The following ERI1 variants were observed in gnomAD, a reference collection of about 807,000 sequenced individuals.
ERI1 encodes the protein 3'-5' exoribonuclease 1.
Under a neutral mutation model 39.7 loss-of-function variants are expected in ERI1, and 39 were observed. The observed-to-expected ratio is 0.98, with a 90% CI of 0.76 to 1.28. The LOEUF is 1.28. Ranked by LOEUF, ERI1 falls within the 50% of genes most tolerant of loss-of-function variation. The pLI is 0.00. For synonymous variants in ERI1, 204 were observed against 149.6 expected, an observed-to-expected ratio of 1.36 and a Z score of -2.65; for missense variants, 581 against 416.9, an observed-to-expected ratio of 1.39 and a Z score of -3.43.
chr8:9,086,298 C>G (rs1799524031), intron 3 of ERI1, among the ~76,000 whole-genome samples: 1 of 152,234 alleles, frequency 6.6e-6, no homozygotes, highest in South Asian at 2.1e-4. Context: ...ACCTGTGGTC[C>G]CAGCTACTCA....
chr8:9,035,868 C>T (rs888966495), downstream of ERI1, among the ~76,000 whole-genome samples: 9 of 152,194 alleles, frequency 5.9e-5, no homozygotes, highest in South Asian at 4.1e-4. Context: ...ATTTGTGATT[C>T]GTGAGAGGAG....
rs1240057670 is a variant in ERI1, at chr8:9,032,089, C to G, written c.*2055C>G. 6.6e-6 allele frequency: 1 copy of G among 152,164 alleles called. No individual in the cohort carries two copies. Among genetic ancestry groups the G allele is most frequent in the Non-Finnish European group, 1.5e-5 (1 of 68,036 alleles). 9.4% of individuals were successfully genotyped at this position (152,164 alleles called of 1,614,324 possible). A position where few individuals can be genotyped will look rare whatever the true frequency, so the allele number is the denominator to read the frequency against. On this transcript the variant is annotated 3_prime_UTR_variant, in exon 7 of 7. Coordinates refer to ENST00000250263, the MANE Select transcript of ERI1 (RefSeq NM_153332.4). Reference sequence around the variant, plus strand: ...CCATTTTAATTCCTCTGTTGAGTCTCTGTCCTCCCCTCCAATTTGATTTGG... The same window carrying G: ...CCATTTTAATTCCTCTGTTGAGTCTGTGTCCTCCCCTCCAATTTGATTTGG...
At chr8:9,025,134 A>T (rs1263297961) in intron 6 of ERI1, among the ~76,000 whole-genome samples, 2 of 152,182 alleles carry the variant, frequency 1.3e-5, no homozygotes. Flanking sequence ...GGCTGAGCAG[A>T]GATTCAGAGA....
intron 3 of ERI1, among the ~76,000 whole-genome samples, chr8:9,082,560 T>C (rs1799402189): frequency 6.6e-6 from 1 of 152,222 alleles, no homozygotes; most frequent in African/African-American, 2.4e-5. Context: ...GCAGGAATGA[T>C]CTGTACTTCT....
chr8:9,074,759 C>T (rs1334873006), intron 3 of ERI1, among the ~76,000 whole-genome samples: 1 of 152,140 alleles, frequency 6.6e-6, no homozygotes, highest in Non-Finnish European at 1.5e-5. Context: ...ATTGTGCCTG[C>T]ATTTATATGG....
chr8:9,034,099 A>G (rs764738352), downstream of ERI1, among the ~76,000 whole-genome samples: 8 of 152,264 alleles, frequency 5.3e-5, no homozygotes, highest in Non-Finnish European at 1.0e-4. Context: ...ATAATGACAC[A>G]GAGGCTAAAG....
downstream of ERI1, among the ~76,000 whole-genome samples, chr8:9,037,744 T>C (rs1797897749): frequency 6.6e-6 from 1 of 152,180 alleles, no homozygotes; most frequent in Non-Finnish European, 1.5e-5. Flanking sequence ...TTCCTTTTAC[T>C]GTGCACCATA....
intron 1 of ERI1, 91 bp downstream of exon 1, chr8:9,003,262 A>G (rs1048067706): frequency 2.6e-6 from 2 of 776,342 alleles, no homozygotes; most frequent in South Asian, 6.6e-5. Context: ...TGTCCCGCAG[A>G]AGGTGCAGCT....
chr8:9,072,698 A>T (rs1026517071), intron 3 of ERI1, among the ~76,000 whole-genome samples: 1 of 151,882 alleles, frequency 6.6e-6, no homozygotes, highest in African/African-American at 2.4e-5. Context: ...CTCCGCCACT[A>T]TTTTTGATCA....
At chr8:9,046,607 A>G (rs1288902728) in intron 3 of ERI1, among the ~76,000 whole-genome samples, 1 of 152,238 alleles carries the variant, frequency 6.6e-6, no homozygotes, top group Middle Eastern at 3.2e-3. Flanking sequence ...CACTTTAAAC[A>G]TGCTAGGTAT....
At chr8:9,054,649 G>C (rs1798452052) in intron 3 of ERI1, among the ~76,000 whole-genome samples, 1 of 152,260 alleles carries the variant, frequency 6.6e-6, no homozygotes, top group Non-Finnish European at 1.5e-5. Context: ...ATTGGGCCAG[G>C]CACCATGGCC....
At chr8:9,026,231 C>A (rs1476289758) in intron 6 of ERI1, among the ~76,000 whole-genome samples, 1 of 152,080 alleles carries the variant, frequency 6.6e-6, no homozygotes, top group African/African-American at 2.4e-5. Context: ...GAATGCCCAC[C>A]CTGTATAACA....
rs540980558 is a variant in ERI1 at position 9,083,927 on chromosome 8, G to C, written n.300-32421G>C. 3.3e-5 allele frequency among the ~76,000 whole-genome samples: 5 copies of C among 152,182 alleles called. No individual in the cohort carries two copies. The South Asian group carries it at 8.3e-4, about 25-fold the overall frequency. On this transcript the variant is annotated intron_variant and non_coding_transcript_variant, in intron 3 of 3. Coordinates refer to the ERI1 transcript ENST00000518663. The stretch of plus-strand genomic sequence containing the variant: ...TCCAGCCTCAGCCTCCTGAGTAGCT[G>C]GGACTATAGGCACCTGCCACCATGC...
At chr8:9,087,739 A>G (rs1485920239) in intron 3 of ERI1, among the ~76,000 whole-genome samples, 1 of 152,110 alleles carries the variant, frequency 6.6e-6, no homozygotes, top group Non-Finnish European at 1.5e-5. Flanking sequence ...TGTCCTCCCC[A>G]TGCAGCTGGG....
In ERI1 at chr8:9,032,639, T is replaced by C. The variant is rs1735923561; in HGVS notation, c.*2605T>C. Reference sequence around the variant, plus strand: ...GAGAGAGGGTATCTCTGAAGACTAATTAAAATGGTAATTTTTAAAAAGATG... The same window carrying C: ...GAGAGAGGGTATCTCTGAAGACTAACTAAAATGGTAATTTTTAAAAAGATG... On this transcript the variant is annotated 3_prime_UTR_variant, in exon 7 of 7. Coordinates refer to ENST00000250263, the MANE Select transcript of ERI1 (RefSeq NM_153332.4). 6.6e-6 allele frequency: 1 copy of C among 152,252 alleles called. No homozygotes were observed. The highest frequency in any genetic ancestry group is 2.4e-5 in the African/African-American group (1 of 41,460). 9.4% of individuals were successfully genotyped at this position (152,252 alleles called of 1,614,324 possible).
chr8:9,059,090 G>T (rs1480179500), intron 3 of ERI1, among the ~76,000 whole-genome samples: 1 of 152,066 alleles, frequency 6.6e-6, no homozygotes, highest in Non-Finnish European at 1.5e-5. Flanking sequence ...TTCTCTGGCG[G>T]GCAGGAGTGG....
intron 3 of ERI1, among the ~76,000 whole-genome samples, chr8:9,014,994 C>T (rs2953810): frequency 0.54 from 81,939 of 151,964 alleles, 23,366 homozygotes; most frequent in East Asian, 0.68. Context: ...CATGCCACCT[C>T]GCCCAGCTAA....
At chr8:9,043,305 C>T (rs1229335032) in intron 3 of ERI1, among the ~76,000 whole-genome samples, 3 of 152,192 alleles carry the variant, frequency 2.0e-5, no homozygotes, top group Non-Finnish European at 4.4e-5. Flanking sequence ...GCACCCTCCC[C>T]CAACCACCCA....
chr8:9,010,998 C>G (rs1816609773), intron 2 of ERI1, among the ~76,000 whole-genome samples: 1 of 152,094 alleles, frequency 6.6e-6, no homozygotes. Context: ...TGTTAAGTAG[C>G]CAACAGACAT....
Sources: gnomAD v4.1 joint callset for allele counts (sites outside exome capture counted in the v4.1 genomes callset) on GRCh38, gnomAD v4.1.1 for gene constraint, MANE v1.5 for transcripts, NCBI Gene and HGNC (gene_info 2026-07-23, HGNC 2026-07-21) for gene names.